The following RSPO2 variants were observed in gnomAD, a reference collection of about 807,000 sequenced individuals.
RSPO2 encodes the protein R-spondin-2.
RSPO2 carries 14 observed loss-of-function variants against 30.9 expected under a neutral mutation model. The ratio of observed to expected loss-of-function variants is 0.45; its 90% CI spans 0.30 to 0.71. The LOEUF is 0.71. Among genes scored for constraint, RSPO2 ranks in the 30% least tolerant of loss-of-function variants. The probability of loss-of-function intolerance (pLI) is 0.08; values close to 1 mark genes in which losing one functional copy is unlikely to be tolerated. For synonymous variants in RSPO2, 107 were observed against 96.4 expected (o/e 1.11, Z -0.64); for missense variants, 264 against 301.9 (o/e 0.87, Z 0.93).
intron 5 of RSPO2, among the ~76,000 whole-genome samples, chr8:107,939,186 G>C (rs1443108205): frequency 6.6e-6 from 1 of 151,570 alleles, no homozygotes; most frequent in African/African-American, 2.4e-5. Flanking sequence ...AGTTATTATT[G>C]AGTCATATGG....
intron 2 of RSPO2, among the ~76,000 whole-genome samples, chr8:108,069,041 T>C (rs1194114202): frequency 2.0e-5 from 3 of 152,252 alleles, no homozygotes; most frequent in Admixed American, 6.5e-5. Context: ...GCTAAGAGCC[T>C]TCATCTGGTT....
At chr8:108,068,364 T>C (rs953155265) in intron 2 of RSPO2, among the ~76,000 whole-genome samples, 2 of 152,190 alleles carry the variant, frequency 1.3e-5, no homozygotes, top group Admixed American at 1.3e-4. Flanking sequence ...TCTTGCTTTA[T>C]GTCCAATATA....
At chr8:107,952,402 TTTCTC>T (rs1238812772) in intron 5 of RSPO2, among the ~76,000 whole-genome samples, 2 of 152,120 alleles carry the variant, frequency 1.3e-5, no homozygotes, top group Non-Finnish European at 2.9e-5. Flanking sequence ...AAATCATTGA[TTTCTC>T]AGACAGACAT....
At chr8:108,035,195 C>T (rs1192817001) in intron 2 of RSPO2, among the ~76,000 whole-genome samples, 1 of 152,122 alleles carries the variant, frequency 6.6e-6, no homozygotes, top group Non-Finnish European at 1.5e-5. Flanking sequence ...CTGAATTGTA[C>T]TATTATCTTT....
intron 2 of RSPO2, among the ~76,000 whole-genome samples, chr8:108,058,025 G>A (rs968158642): frequency 2.0e-5 from 3 of 152,196 alleles, no homozygotes; most frequent in South Asian, 2.1e-4. Context: ...GAATAGGAGT[G>A]GTGAGAGAGG....
intron 5 of RSPO2, among the ~76,000 whole-genome samples, chr8:107,936,670 T>C (rs1812732688): frequency 6.6e-6 from 1 of 152,176 alleles, no homozygotes; most frequent in Non-Finnish European, 1.5e-5. Context: ...TTAGATCATA[T>C]CTCATTTTGG....
chr8:107,992,349 A>G (rs1424280340), intron 2 of RSPO2, among the ~76,000 whole-genome samples: 2 of 152,194 alleles, frequency 1.3e-5, no homozygotes, highest in Admixed American at 6.5e-5. Context: ...GTGGGAGCTT[A>G]ATGATGAGAA....
chr8:108,047,978 A>C (rs1214683404), intron 2 of RSPO2, among the ~76,000 whole-genome samples: 1 of 152,092 alleles, frequency 6.6e-6, no homozygotes, highest in Non-Finnish European at 1.5e-5. Flanking sequence ...TTAGAGAACA[A>C]ATTATGTTAA....
intron 5 of RSPO2, among the ~76,000 whole-genome samples, chr8:107,954,167 T>C (rs1813338453): frequency 6.6e-6 from 1 of 152,180 alleles, no homozygotes; most frequent in Non-Finnish European, 1.5e-5. Flanking sequence ...ATATTTCAGA[T>C]TGAGATCATG....
chr8:108,043,568 C>G (rs1360742237), intron 2 of RSPO2, among the ~76,000 whole-genome samples: 1 of 149,578 alleles, frequency 6.7e-6, no homozygotes, highest in East Asian at 2.0e-4. Flanking sequence ...TATTTTTTTA[C>G]TCATATACTT....
chr8:107,961,592 T>C (rs551534899), intron 3 of RSPO2, among the ~76,000 whole-genome samples: 9 of 152,302 alleles, frequency 5.9e-5, no homozygotes, highest in African/African-American at 2.2e-4. Context: ...AGATGTGCTT[T>C]CAGGTCTGTT....
At chr8:108,062,037 T>A (rs1048197820) in intron 2 of RSPO2, among the ~76,000 whole-genome samples, 2 of 151,762 alleles carry the variant, frequency 1.3e-5, no homozygotes, top group Admixed American at 6.6e-5. Context: ...TTTAAAGCAG[T>A]GTGTAGAGGG....
intron 2 of RSPO2, among the ~76,000 whole-genome samples, chr8:108,018,678 C>A (rs1810967760): frequency 6.6e-6 from 1 of 152,102 alleles, no homozygotes; most frequent in Admixed American, 6.5e-5. Context: ...GCAGGAGGCA[C>A]ATGATAGAAA....
At chr8:108,050,206 A>G (rs1296546776) in intron 2 of RSPO2, among the ~76,000 whole-genome samples, 2 of 152,150 alleles carry the variant, frequency 1.3e-5, no homozygotes, top group Non-Finnish European at 2.9e-5. Context: ...TTTGTTTTAT[A>G]CCTATTGCAT....
At chr8:107,982,009 CA>C (rs372977834) in intron 3 of RSPO2, among the ~76,000 whole-genome samples, 1,596 of 55,476 alleles carry the variant, frequency 0.029, 14 homozygotes, top group African/African-American at 0.094. Flanking sequence ...ACAACAACAA[CA>C]AAAAAAAAAA....
intron 5 of RSPO2, among the ~76,000 whole-genome samples, chr8:107,938,542 T>C (rs777853351): frequency 2.0e-5 from 3 of 152,128 alleles, no homozygotes; most frequent in Non-Finnish European, 4.4e-5. Context: ...CCAAGTCGAT[T>C]AAAAATTGGG....
At chr8:107,911,408 C>T (rs1464841783) in intron 5 of RSPO2, among the ~76,000 whole-genome samples, 8 of 152,174 alleles carry the variant, frequency 5.3e-5, no homozygotes, top group Admixed American at 4.6e-4. Context: ...GAACATGAGT[C>T]TGGGGCGTCA....
intron 2 of RSPO2, among the ~76,000 whole-genome samples, chr8:108,017,178 A>G (rs921651679): frequency 6.6e-6 from 1 of 151,566 alleles, no homozygotes. Flanking sequence ...CACCACACCC[A>G]GCTAATTTTT....
At chr8:107,996,861 A>G in intron 2 of RSPO2, 1 of 443,184 alleles carries the variant, frequency 2.3e-6, no homozygotes. Flanking sequence ...TGTTTTATTT[A>G]CTTGAACCTC....
Sources: allele counts gnomAD v4.1 joint callset (sites outside exome capture counted in the v4.1 genomes callset), GRCh38; gene constraint gnomAD v4.1.1; transcripts MANE v1.5; gene names NCBI Gene and HGNC (gene_info 2026-07-23, HGNC 2026-07-21).